Variants in ERAP1 observed in about 807,000 individuals in gnomAD.
ERAP1 encodes endoplasmic reticulum aminopeptidase 1, also known as adipocyte-derived leucine aminopeptidase.
A neutral mutation model predicts 103.7 loss-of-function variants in ERAP1; 86 were observed. That is an observed-to-expected ratio of 0.83 (90% CI 0.70 to 0.99). The LOEUF (loss-of-function observed/expected upper bound fraction) is 0.99, where lower values mean the gene tolerates loss of function less well. Among genes scored for constraint, ERAP1 ranks in the 50% least tolerant of loss-of-function variants. The pLI is 0.00. For synonymous variants in ERAP1, 398 were observed against 402.4 expected (o/e 0.99, Z 0.13); for missense variants, 1,009 against 1,128.4 (o/e 0.89, Z 1.52).
chr5:96,768,628 AT>A (rs1770943426), intron 19 of ERAP1, among the ~76,000 whole-genome samples: 1 of 152,096 alleles, frequency 6.6e-6, no homozygotes, highest in Non-Finnish European at 1.5e-5. Flanking sequence ...TCCACACTAT[AT>A]GGTTGTGCCA....
rs1484115016 is a variant in ERAP1 at position 96,793,793 on chromosome 5, G to T, written c.1074+10C>A. 1.2e-6 allele frequency: 2 copies of T among 1,608,700 alleles called. No homozygotes were observed. Among genetic ancestry groups the T allele is most frequent in the East Asian group, 4.5e-5 (2 of 44,818 alleles). ...TTTATACTTTATTAAAAGTGTGAATGAGCTTATACCTGGTGAGCCAGTTCA... is the reference window on the plus strand; with the variant it reads ...TTTATACTTTATTAAAAGTGTGAATTAGCTTATACCTGGTGAGCCAGTTCA... On this transcript the variant is annotated intron_variant, in intron 6 of 18. Transcript: ENST00000443439.
chr5:96,817,575 A>G, the ERAP1 span, among the ~76,000 whole-genome samples: 1 of 152,224 alleles, frequency 6.6e-6, no homozygotes, highest in Non-Finnish European at 1.5e-5. Flanking sequence ...CTATTACATG[A>G]CTTACATAAT....
intron 18 of ERAP1, among the ~76,000 whole-genome samples, chr5:96,777,191 T>G (rs1774455381): frequency 6.6e-6 from 1 of 152,230 alleles, no homozygotes; most frequent in South Asian, 2.1e-4. Flanking sequence ...CTTGTTTCAT[T>G]TGTGGGTATC....
At chr5:96,865,775 A>G in the ERAP1 span, among the ~76,000 whole-genome samples, 1 of 152,216 alleles carries the variant, frequency 6.6e-6, no homozygotes, top group African/African-American at 2.4e-5. Flanking sequence ...CTAGTTCCAC[A>G]GCATACTCAA....
At chr5:96,883,675 G>A in the ERAP1 span, 10 of 1,018,934 alleles carry the variant, frequency 9.8e-6, no homozygotes, top group East Asian at 2.7e-4. Flanking sequence ...AAAGATTGCA[G>A]TTTGAGAAAT....
At chr5:96,832,061 T>G in the ERAP1 span, among the ~76,000 whole-genome samples, 1 of 152,222 alleles carries the variant, frequency 6.6e-6, no homozygotes, top group Non-Finnish European at 1.5e-5. Flanking sequence ...GGGGAAATCC[T>G]GGCTTCACAG....
chr5:96,826,734 C>T, the ERAP1 span, among the ~76,000 whole-genome samples: 4 of 152,134 alleles, frequency 2.6e-5, no homozygotes, highest in Admixed American at 2.0e-4. Flanking sequence ...CCCTTAAAAC[C>T]ATCTGAATTT....
At chr5:96,781,620 A>G in intron 16 of ERAP1, 73 bp downstream of exon 16, 1 of 1,602,558 alleles carries the variant, frequency 6.2e-7, no homozygotes, top group Non-Finnish European at 8.5e-7. Flanking sequence ...AGAAAACAAA[A>G]ATAGATGCCA....
chr5:96,819,210 C>A, the ERAP1 span, among the ~76,000 whole-genome samples: 1 of 152,188 alleles, frequency 6.6e-6, no homozygotes, highest in Non-Finnish European at 1.5e-5. Context: ...AGGCGTGAGC[C>A]ACCACACCCG....
the ERAP1 span, among the ~76,000 whole-genome samples, chr5:96,892,804 A>G: frequency 1.6e-4 from 24 of 152,154 alleles, no homozygotes; most frequent in Non-Finnish European, 3.4e-4. Flanking sequence ...TTCTCCTTAT[A>G]TCCCCTGGTA....
chr5:96,799,800 G>A (rs1777774440), intron 3 of ERAP1, among the ~76,000 whole-genome samples: 1 of 152,234 alleles, frequency 6.6e-6, no homozygotes. Flanking sequence ...ATACAAGGGT[G>A]GGAGTGGGGA....
chr5:96,833,213 T>C, the ERAP1 span, among the ~76,000 whole-genome samples: 1 of 152,204 alleles, frequency 6.6e-6, no homozygotes, highest in African/African-American at 2.4e-5. Flanking sequence ...GAAACTGAAA[T>C]TATTAATTAC....
At chr5:96,922,961 TTTTTTG>T in the ERAP1 span, among the ~76,000 whole-genome samples, 2 of 38,080 alleles carry the variant, frequency 5.3e-5, no homozygotes, top group African/African-American at 2.7e-4. Flanking sequence ...TATTTGGATG[TTTTTTG>T]TTTTTTGTTT....
chr5:96,807,690 C>T (rs1467046380), intron 1 of ERAP1, among the ~76,000 whole-genome samples, 170 bp downstream of exon 1: 1 of 149,482 alleles, frequency 6.7e-6, no homozygotes, highest in Non-Finnish European at 1.5e-5. Flanking sequence ...GCCTTCCTCC[C>T]GCGCCCCGTC....
the ERAP1 span, chr5:96,934,347 G>A: frequency 6.6e-6 from 1 of 152,198 alleles, no homozygotes; most frequent in Non-Finnish European, 1.5e-5. Flanking sequence ...CATTTGAGCC[G>A]AGACTTAAAT....
chr5:96,824,481 A>G, the ERAP1 span, among the ~76,000 whole-genome samples: 1 of 152,026 alleles, frequency 6.6e-6, no homozygotes, highest in Non-Finnish European at 1.5e-5. Context: ...ATACATCCCT[A>G]TGTGTTCTAA....
At chr5:96,798,324 CAA>C (rs3076633) in intron 3 of ERAP1, among the ~76,000 whole-genome samples, 7 of 76,318 alleles carry the variant, frequency 9.2e-5, no homozygotes, top group Admixed American at 1.7e-4. Context: ...GACTCCATCT[CAA>C]AAAAAAAAAA....
chr5:96,795,788 C>G (rs1777284430), intron 4 of ERAP1, among the ~76,000 whole-genome samples: 1 of 152,200 alleles, frequency 6.6e-6, no homozygotes, highest in Non-Finnish European at 1.5e-5. Flanking sequence ...TAGACTCAGG[C>G]AACGTAAGCT....
the ERAP1 span, among the ~76,000 whole-genome samples, chr5:96,870,885 T>A: frequency 6.6e-6 from 1 of 152,216 alleles, no homozygotes; most frequent in African/African-American, 2.4e-5. Context: ...CTTGAGGTTC[T>A]CCAGTTTGAT....
Sources: gnomAD v4.1 joint callset for allele counts (sites outside exome capture counted in the v4.1 genomes callset) on GRCh38, gnomAD v4.1.1 for gene constraint, MANE v1.5 for transcripts, NCBI Gene and HGNC (gene_info 2026-07-23, HGNC 2026-07-21) for gene names.